ADGRL2: variants seen among roughly 807,000 people sequenced by gnomAD.
The protein encoded by ADGRL2 is calcium-independent alpha-latrotoxin receptor 2.
In ADGRL2, 44 loss-of-function variants were observed where a neutral mutation model predicts 157.4. The observed-to-expected ratio is 0.28, with a 90% confidence interval of 0.22 to 0.36. The LOEUF is 0.36. Among genes scored for constraint, ADGRL2 ranks in the 10% least tolerant of loss-of-function variants. The pLI, the probability that ADGRL2 is intolerant of heterozygous loss-of-function variation, is 1.00. For missense variants in ADGRL2, 1,510 were observed against 1,768.9 expected, an observed-to-expected ratio of 0.85 and a Z score of 2.63; for synonymous variants, 585 against 624.7, an observed-to-expected ratio of 0.94 and a Z score of 0.95.
intron 1 of ADGRL2, among the ~76,000 whole-genome samples, chr1:81,712,212 C>T (rs2083954643): frequency 6.6e-6 from 1 of 152,142 alleles, no homozygotes; most frequent in Non-Finnish European, 1.5e-5. Flanking sequence ...GGTTGAGTTA[C>T]TATGGGAATT....
chr1:81,382,197 A>T (rs2076355568), intron 1 of ADGRL2, among the ~76,000 whole-genome samples: 1 of 152,206 alleles, frequency 6.6e-6, no homozygotes, highest in Admixed American at 6.5e-5. Context: ...TTGTTCACTA[A>T]CAGTTAGCAA....
chr1:81,719,839 T>C (rs1313665719), intron 1 of ADGRL2, among the ~76,000 whole-genome samples: 1 of 152,180 alleles, frequency 6.6e-6, no homozygotes, highest in East Asian at 1.9e-4. Flanking sequence ...CATCTCCTGC[T>C]GATTCCTGAG....
intron 1 of ADGRL2, among the ~76,000 whole-genome samples, chr1:81,384,500 T>C (rs906043483): frequency 5.9e-5 from 9 of 152,188 alleles, no homozygotes; most frequent in African/African-American, 2.2e-4. Flanking sequence ...ACTTTTCTCT[T>C]TGTGCTTTTA....
At chr1:81,642,958 T>C (rs2082249276) in intron 3 of ADGRL2, among the ~76,000 whole-genome samples, 1 of 152,044 alleles carries the variant, frequency 6.6e-6, no homozygotes, top group South Asian at 2.1e-4. Context: ...GAAAAAGAAA[T>C]CCTACAGCTA....
chr1:81,322,251 G>A (rs140603561), intron 1 of ADGRL2, among the ~76,000 whole-genome samples: 1,563 of 151,230 alleles, frequency 0.01, 13 homozygotes, highest in Non-Finnish European at 0.017. Flanking sequence ...GACCCTACCT[G>A]GGGGGTGAAA....
chr1:81,874,436 G>A (rs1219846846), intron 2 of ADGRL2, among the ~76,000 whole-genome samples: 3 of 152,148 alleles, frequency 2.0e-5, no homozygotes, highest in Non-Finnish European at 2.9e-5. Flanking sequence ...AAGGTAACTA[G>A]AGGTACCTGC....
At chr1:81,769,906 C>T (rs907774602) in intron 2 of ADGRL2, among the ~76,000 whole-genome samples, 2 of 151,780 alleles carry the variant, frequency 1.3e-5, no homozygotes, top group African/African-American at 4.8e-5. Flanking sequence ...CTCTGTCATC[C>T]AGGCTGGAGT....
rs144656308 is a variant in ADGRL2 at position 81,666,602 on chromosome 1, C to G, written c.-143+85622C>G. ...TAAAGAATTTCTCTCTCTAAGGGGGCCTGATGTAAAAATGATAATCTGTTT... is the reference window on the plus strand; with the variant it reads ...TAAAGAATTTCTCTCTCTAAGGGGGGCTGATGTAAAAATGATAATCTGTTT... On this transcript the variant is annotated intron_variant, in intron 3 of 24. Coordinates refer to the ADGRL2 transcript ENST00000370721. Among the ~76,000 whole-genome samples, 795 of 152,234 alleles carry G rather than the reference C, an allele frequency of 5.2e-3. 1 individual carries two copies. Among genetic ancestry groups the G allele is most frequent in the Non-Finnish European group, 7.3e-3 (499 of 67,996 alleles).
intron 3 of ADGRL2, among the ~76,000 whole-genome samples, chr1:81,690,609 T>G (rs903973464): frequency 3.3e-5 from 5 of 152,222 alleles, no homozygotes; most frequent in Admixed American, 1.3e-4. Context: ...GTAAAAGAGT[T>G]GTTTTGGCTA....
intron 2 of ADGRL2, among the ~76,000 whole-genome samples, chr1:81,541,396 A>G (rs1364711761): frequency 6.6e-6 from 1 of 152,116 alleles, no homozygotes; most frequent in African/African-American, 2.4e-5. Context: ...TGCTGGTGGT[A>G]GGATTAAAAG....
At chr1:81,558,860 T>C (rs896447097) in intron 2 of ADGRL2, among the ~76,000 whole-genome samples, 11 of 152,132 alleles carry the variant, frequency 7.2e-5, no homozygotes, top group African/African-American at 2.7e-4. Context: ...TGCACCAGGT[T>C]CTTGGACTGG....
At chr1:81,604,052 CTCCCAGGT>C (rs1274433930) in intron 3 of ADGRL2, among the ~76,000 whole-genome samples, 5 of 151,724 alleles carry the variant, frequency 3.3e-5, no homozygotes, top group Admixed American at 3.3e-4. Flanking sequence ...CAACCTCTGC[CTCCCAGGT>C]TCAAGCAATT....
intron 2 of ADGRL2, among the ~76,000 whole-genome samples, chr1:81,495,866 C>G (rs2078719940): frequency 6.6e-6 from 1 of 152,098 alleles, no homozygotes; most frequent in Non-Finnish European, 1.5e-5. Flanking sequence ...CATTGTTCTC[C>G]TGTACAGTTT....
In ADGRL2 at chr1:81,502,214, G is replaced by C. The variant is rs1456306860; in HGVS notation, c.-248+57125G>C. ...CATGTCCAATCTACTTCCAGCACCA[G>C]GGCTCCCACCACATGGACAACAAGC... is the stretch of plus-strand genomic sequence containing the variant. On this transcript the variant is annotated intron_variant, in intron 2 of 24. Transcript: ENST00000370721. 3.7e-6 allele frequency: 6 copies of C among 1,602,972 alleles called. No individual in the cohort carries two copies. The East Asian group carries it at 1.3e-4, about 36-fold the overall frequency.
chr1:81,741,921 T>C (rs550873921), intron 1 of ADGRL2, among the ~76,000 whole-genome samples: 1 of 152,080 alleles, frequency 6.6e-6, no homozygotes, highest in African/African-American at 2.4e-5. Flanking sequence ...TTTAATTTGT[T>C]TTCAAATATC....
intron 3 of ADGRL2, among the ~76,000 whole-genome samples, chr1:81,911,776 C>T (rs774358188): frequency 5.3e-5 from 8 of 151,926 alleles, no homozygotes; most frequent in East Asian, 1.9e-4. Flanking sequence ...AAGTATGAAA[C>T]GTAATACATA....
upstream of ADGRL2, among the ~76,000 whole-genome samples, chr1:81,799,910 AT>A (rs1171766580): frequency 1.3e-5 from 2 of 151,960 alleles, no homozygotes; most frequent in African/African-American, 2.4e-5. Context: ...CCATGTTTGA[AT>A]TTTGTGGCAT....
chr1:81,505,342 G>C (rs1387867209), intron 2 of ADGRL2, among the ~76,000 whole-genome samples: 1 of 151,454 alleles, frequency 6.6e-6, no homozygotes, highest in Non-Finnish European at 1.5e-5. Context: ...GGGCCCATTT[G>C]AAGGTGTCTC....
At chr1:81,439,468 C>G (rs1386990677) in intron 1 of ADGRL2, among the ~76,000 whole-genome samples, 1 of 152,226 alleles carries the variant, frequency 6.6e-6, no homozygotes, top group East Asian at 1.9e-4. Context: ...AGCCCCTTCA[C>G]TGGACTCGCG....
Sources: gnomAD v4.1 joint callset for allele counts (sites outside exome capture counted in the v4.1 genomes callset) on GRCh38, gnomAD v4.1.1 for gene constraint, MANE v1.5 for transcripts, NCBI Gene and HGNC (gene_info 2026-07-23, HGNC 2026-07-21) for gene names.